The following CARMIL1 variants were observed in gnomAD, a reference collection of about 807,000 sequenced individuals.
The protein encoded by CARMIL1 is F-actin-uncapping protein LRRC16A.
In CARMIL1, 90 loss-of-function variants were observed where a neutral mutation model predicts 177.1. The observed-to-expected ratio is 0.51, with a 90% confidence interval of 0.43 to 0.61. CARMIL1 has a LOEUF of 0.61. Ranked by LOEUF, CARMIL1 falls within the 20% of genes least tolerant of loss-of-function variation. The pLI, the probability that CARMIL1 is intolerant of heterozygous loss-of-function variation, is 0.00. For synonymous variants in CARMIL1, 577 were observed against 606.2 expected (o/e 0.95, Z 0.71); for missense variants, 1,380 against 1,667.0 (o/e 0.83, Z 3.00).
intron 24 of CARMIL1, among the ~76,000 whole-genome samples, chr6:25,537,179 T>G (rs1582285640): frequency 6.6e-6 from 1 of 152,206 alleles, no homozygotes; most frequent in African/African-American, 2.4e-5. Context: ...TAGGTGCAAT[T>G]AAACTGGTAG....
chr6:25,281,276 C>T (rs1250175530), intron 1 of CARMIL1, among the ~76,000 whole-genome samples: 1 of 151,934 alleles, frequency 6.6e-6, no homozygotes, highest in East Asian at 1.9e-4. Context: ...GAGGCTGCGA[C>T]CTTTCCAACA....
chr6:25,415,031 T>A (rs1795242128), intron 2 of CARMIL1, among the ~76,000 whole-genome samples: 1 of 152,198 alleles, frequency 6.6e-6, no homozygotes, highest in African/African-American at 2.4e-5. Flanking sequence ...TGAACCTTAT[T>A]ATTGCTGGGG....
At chr6:25,605,780 G>A (rs1024029537) in intron 34 of CARMIL1, among the ~76,000 whole-genome samples, 1 of 152,182 alleles carries the variant, frequency 6.6e-6, no homozygotes. Context: ...TGTGATTACG[G>A]CACTGTACAT....
chr6:25,390,716 G>C (rs746641944), intron 2 of CARMIL1, among the ~76,000 whole-genome samples: 12 of 152,076 alleles, frequency 7.9e-5, no homozygotes, highest in South Asian at 2.1e-4. Flanking sequence ...TTTTGCGACA[G>C]TCTCGCTCTG....
intron 31 of CARMIL1, among the ~76,000 whole-genome samples, chr6:25,584,026 CTTTTTTT>C (rs71544648): frequency 1.8e-4 from 21 of 119,140 alleles, no homozygotes; most frequent in African/African-American, 5.7e-4. Context: ...TTTTCTTTTT[CTTTTTTT>C]TTTTTTTTTT....
intron 11 of CARMIL1, 90 bp downstream of exon 11, chr6:25,472,611 C>A: frequency 9.4e-7 from 1 of 1,062,460 alleles, no homozygotes; most frequent in Non-Finnish European, 1.4e-6. Flanking sequence ...CTGTATCAAG[C>A]TAAGTTGTAA....
chr6:25,288,313 TG>T (rs1781679277), intron 2 of CARMIL1, among the ~76,000 whole-genome samples: 1 of 152,134 alleles, frequency 6.6e-6, no homozygotes, highest in Non-Finnish European at 1.5e-5. Flanking sequence ...GTGTAAAGCC[TG>T]AGTCCTGTCC....
At chr6:25,445,039 T>C (rs1798096664) in intron 5 of CARMIL1, among the ~76,000 whole-genome samples, 1 of 152,180 alleles carries the variant, frequency 6.6e-6, no homozygotes, top group South Asian at 2.1e-4. Flanking sequence ...GCATCTGTTG[T>C]TCCCTGACTT....
intron 29 of CARMIL1, 43 bp downstream of exon 29, chr6:25,556,893 A>G: frequency 3.2e-6 from 5 of 1,545,042 alleles, no homozygotes; most frequent in Non-Finnish European, 4.4e-6. Context: ...TTTTCACTGG[A>G]CTGTGCCATT....
chr6:25,544,324 A>G (rs1438112437), intron 26 of CARMIL1, among the ~76,000 whole-genome samples: 1 of 152,068 alleles, frequency 6.6e-6, no homozygotes, highest in Non-Finnish European at 1.5e-5. Context: ...TGTAATAAAA[A>G]GTGAAGAGTG....
At position 25,284,837 on chromosome 6, in the gene CARMIL1, A is replaced by G. The variant is rs1781412866; in HGVS notation, c.66A>G (p.Arg22=). ...AAAGCATAAAGGATGTTATTGGCAG[A>G]AAGATAAAAATTTCAGTGAAGAAGA... The part of the protein sequence containing the change: ...LIESIKDVIG[R]KIKISVKKKV... The change falls in exon 2 of 37, where the codon AGA becomes AGG. Residue 22 remains arginine, a synonymous_variant. Coordinates refer to ENST00000329474, the MANE Select transcript of CARMIL1 (RefSeq NM_017640.6). 2 of 1,562,204 alleles carry G rather than the reference A, an allele frequency of 1.3e-6. No homozygotes were observed. The highest frequency in any genetic ancestry group is 1.2e-5 in the South Asian group (1 of 84,914).
At chr6:25,315,226 A>G (rs1004847666) in intron 2 of CARMIL1, among the ~76,000 whole-genome samples, 30 of 152,324 alleles carry the variant, frequency 2.0e-4, no homozygotes, top group African/African-American at 6.7e-4. Context: ...CCATTGCATT[A>G]AGGAAAATAT....
intron 2 of CARMIL1, among the ~76,000 whole-genome samples, chr6:25,368,543 A>G (rs1790073044): frequency 6.6e-6 from 1 of 152,210 alleles, no homozygotes; most frequent in Admixed American, 6.5e-5. Context: ...CATACATTCA[A>G]TTTAGGGAGA....
chr6:25,514,373 C>G (rs527600654), intron 20 of CARMIL1, among the ~76,000 whole-genome samples: 10 of 151,960 alleles, frequency 6.6e-5, no homozygotes, highest in Admixed American at 4.6e-4. Context: ...ATGGTGAAAC[C>G]CTGTCTCTAC....
intron 29 of CARMIL1, among the ~76,000 whole-genome samples, chr6:25,572,157 G>A (rs1812123648): frequency 1.3e-5 from 2 of 152,088 alleles, no homozygotes; most frequent in Non-Finnish European, 2.9e-5. Flanking sequence ...ATGTCAAGAT[G>A]TCAACAACCT....
chr6:25,586,115 C>T (rs570544914), intron 31 of CARMIL1, among the ~76,000 whole-genome samples: 2 of 149,930 alleles, frequency 1.3e-5, no homozygotes, highest in African/African-American at 5.0e-5. Context: ...ATCTCCCTAA[C>T]GGGACGGCTG....
At chr6:25,455,142 G>A (rs1388915397) in intron 8 of CARMIL1, among the ~76,000 whole-genome samples, 1 of 152,124 alleles carries the variant, frequency 6.6e-6, no homozygotes, top group Non-Finnish European at 1.5e-5. Context: ...TCAGATACAA[G>A]CAAGCAACCT....
intron 5 of CARMIL1, among the ~76,000 whole-genome samples, chr6:25,447,789 G>T (rs887225651): frequency 2.0e-5 from 3 of 151,798 alleles, no homozygotes; most frequent in African/African-American, 4.8e-5. Flanking sequence ...CTTTTTCAAG[G>T]CCTCCAGACT....
chr6:25,297,793 G>GT (rs139395621), intron 2 of CARMIL1, among the ~76,000 whole-genome samples: 1 of 152,268 alleles, frequency 6.6e-6, no homozygotes, highest in African/African-American at 2.4e-5. Context: ...TGCTCACGTC[G>GT]TTTTTTCTGT....
Sources: gnomAD v4.1 joint callset for allele counts (sites outside exome capture counted in the v4.1 genomes callset) on GRCh38, gnomAD v4.1.1 for gene constraint, MANE v1.5 for transcripts, NCBI Gene and HGNC (gene_info 2026-07-23, HGNC 2026-07-21) for gene names.